Variants in PER3 observed in about 807,000 individuals in gnomAD.
The protein encoded by PER3 is period circadian regulator 3, also known as period circadian protein homolog 3.
PER3 carries 107 observed loss-of-function variants against 127.2 expected under a neutral mutation model. The observed-to-expected ratio is 0.84, with a 90% CI of 0.72 to 0.99. PER3 has a LOEUF of 0.99. PER3 is among the 50% of genes least tolerant of loss of function. The pLI is 0.00. For missense variants in PER3, 1,560 were observed against 1,525.8 expected (o/e 1.02, Z -0.37); for synonymous variants, 618 against 585.8 (o/e 1.05, Z -0.79).
intron 21 of PER3, among the ~76,000 whole-genome samples, chr1:7,839,587 T>C (rs1032005155): frequency 6.6e-6 from 1 of 152,342 alleles, no homozygotes; most frequent in East Asian, 1.9e-4. Context: ...GTAGGTCTAG[T>C]GGTATCAAAC....
intron 13 of PER3, among the ~76,000 whole-genome samples, chr1:7,818,577 G>A (rs1188861039): frequency 2.6e-5 from 4 of 152,052 alleles, no homozygotes; most frequent in Admixed American, 1.3e-4. Flanking sequence ...CTCCTTTATT[G>A]GCTCATTGTC....
chr1:7,806,807 A>AT (rs1470375888), intron 10 of PER3, among the ~76,000 whole-genome samples: 1,154 of 83,822 alleles, frequency 0.014, 10 homozygotes, highest in East Asian at 0.066. Flanking sequence ...AAAAAAAAAA[A>AT]AAAAAATATA....
At position 7,804,408 on chromosome 1, in the gene PER3, T is replaced by TG. The variant is rs1262477157; in HGVS notation, c.1136+560_1136+561insG. ...TCCACTTGTTTGTGTCTTTTTTTTT[T>TG]TTTTTCTTTGAGACAGGTTCTCCCT... On this transcript the variant is annotated intron_variant, in intron 10 of 21. Coordinates refer to ENST00000377532, the MANE Select transcript of PER3 (RefSeq NM_001377275.1). Among the ~76,000 whole-genome samples the TG allele has an allele frequency of 2.8e-3, 418 of 151,378 alleles. 1 individual carries two copies. The highest frequency in any genetic ancestry group is 4.6e-3 in the Non-Finnish European group (309 of 67,848).
chr1:7,806,812 A>AAAATATATATATAT (rs61141023), intron 10 of PER3, among the ~76,000 whole-genome samples: 41 of 60,624 alleles, frequency 6.8e-4, no homozygotes, highest in African/African-American at 2.4e-3. Context: ...AAAAAAAAAA[A>AAAATATATATATAT]ATATATATAT....
chr1:7,799,759 C>CT (rs1004238115), intron 7 of PER3, among the ~76,000 whole-genome samples: 1 of 151,654 alleles, frequency 6.6e-6, no homozygotes, highest in African/African-American at 2.4e-5. Flanking sequence ...TTTGTGTATT[C>CT]TTTTTTTGTT....
At chr1:7,789,570 G>A (rs563247175) in intron 5 of PER3, among the ~76,000 whole-genome samples, 12 of 152,230 alleles carry the variant, frequency 7.9e-5, no homozygotes, top group African/African-American at 2.9e-4. Context: ...GCCCAATCTT[G>A]GGTCTGTCTT....
chr1:7,799,449 CA>C (rs1218109659), intron 7 of PER3, among the ~76,000 whole-genome samples: 2 of 151,794 alleles, frequency 1.3e-5, no homozygotes, highest in Non-Finnish European at 2.9e-5. Flanking sequence ...CTAAAAATTA[CA>C]AAAATTAGCT....
chr1:7,792,613 C>A (rs145551435), intron 5 of PER3, among the ~76,000 whole-genome samples: 84 of 152,330 alleles, frequency 5.5e-4, no homozygotes, highest in African/African-American at 1.9e-3. Flanking sequence ...CCTTTATAGG[C>A]TATGCCTGCG....
At chr1:7,829,148 C>CAAACCCATGGTGGATGCCGG (rs1553321747) in intron 18 of PER3, among the ~76,000 whole-genome samples, 1 of 152,266 alleles carries the variant, frequency 6.6e-6, no homozygotes, top group South Asian at 2.1e-4. Flanking sequence ...GGATATGTTT[C>CAAACCCATGGTGGATGCCGG]AAACCCATGG....
At chr1:7,789,140 A>ATATATATATATAT (rs1553301246) in intron 5 of PER3, among the ~76,000 whole-genome samples, 13 of 133,232 alleles carry the variant, frequency 9.8e-5, no homozygotes, top group Non-Finnish European at 2.2e-4. Flanking sequence ...AGAGCTTTAA[A>ATATATATATATAT]ATATATATAT....
intron 5 of PER3, among the ~76,000 whole-genome samples, chr1:7,791,647 A>G (rs985962353): frequency 6.6e-6 from 1 of 152,128 alleles, no homozygotes; most frequent in Non-Finnish European, 1.5e-5. Context: ...TTTCTTTTCC[A>G]TTGCATCTTC....
chr1:7,839,669 C>CA (rs1243140518), intron 21 of PER3, among the ~76,000 whole-genome samples: 1 of 152,180 alleles, frequency 6.6e-6, no homozygotes, highest in Non-Finnish European at 1.5e-5. Context: ...TCTTAGTTGA[C>CA]AGTTTTTTTT....
intron 14 of PER3, 58 bp from the exon 15 acceptor site, chr1:7,820,057 G>C: frequency 6.4e-7 from 1 of 1,570,232 alleles, no homozygotes; most frequent in Non-Finnish European, 8.7e-7. Flanking sequence ...GCAAAGAGGT[G>C]GGAAATGGCA....
In PER3 at chr1:7,844,112, T is replaced by C; in HGVS notation, c.*1357T>C. 1 of 356,600 alleles carries C rather than the reference T, an allele frequency of 2.8e-6. No homozygotes were observed. Among genetic ancestry groups the C allele is most frequent in the Non-Finnish European group, 4.3e-6 (1 of 230,510 alleles). 22.1% of individuals were successfully genotyped at this position (356,600 alleles called of 1,614,324 possible). ...TTTTCTCCTTTGAAGTTTTACAGCT[T>C]TTTGTAAATGCGTCCTGATAATGAT... On this transcript the variant is annotated 3_prime_UTR_variant, in exon 22 of 22. Coordinates refer to ENST00000377532, the MANE Select transcript of PER3 (RefSeq NM_001377275.1).
chr1:7,820,387 A>G, intron 15 of PER3, 80 bp from the exon 16 acceptor site: 1 of 1,457,148 alleles, frequency 6.9e-7, no homozygotes, highest in Non-Finnish European at 9.3e-7. Flanking sequence ...TCAGTTACAA[A>G]CTTCTGTAAA....
At position 7,835,771 on chromosome 1, in the gene PER3, A is replaced by G. The variant is rs940616830; in HGVS notation, c.3224A>G (p.Asp1075Gly). ...RTGSAASGSS[D>G]SSIYLTSSVY... ...TGTTGATTTTTGACAGGAAGCAGCG[A>G]CAGCAGTATATACCTTACTAGTAGT... Residue 1075 changes from aspartate (D) to glycine (G), a missense_variant, in exon 20 of 22, where the codon GAC (aspartate) becomes GGC (glycine). Physicochemically the swap from Asp to Gly is moderately conservative, Grantham distance 94 (BLOSUM62 -1). Coordinates refer to ENST00000377532, the MANE Select transcript of PER3 (RefSeq NM_001377275.1). 1.9e-6 allele frequency: 3 copies of G among 1,603,242 alleles called. No individual in the cohort carries two copies. The African/African-American group carries it at 4.0e-5, about 22-fold the overall frequency.
Position 7,843,596 on chromosome 1 carries a change from CTG to C in PER3, c.*845_*846del, listed in dbSNP as rs1391802770. 6.6e-6 allele frequency: 1 copy of C among 152,654 alleles called. No individual in the cohort carries two copies. Among genetic ancestry groups the C allele is most frequent in the African/African-American group, 2.4e-5 (1 of 41,438 alleles). The allele number at this position is 152,654 out of a possible 1,614,324, so 9.5% of individuals were successfully genotyped here. ...AAGCTAGTATCATTCTTACATACTT[CTG>C]TGTTTAAATTTTCATTCTTACCAAA... On this transcript the variant is annotated 3_prime_UTR_variant, in exon 22 of 22. Transcript: ENST00000377532.
chr1:7,832,835 A>G (rs1320653762), intron 19 of PER3, among the ~76,000 whole-genome samples: 1 of 148,580 alleles, frequency 6.7e-6, no homozygotes, highest in Non-Finnish European at 1.5e-5. Flanking sequence ...TGCATCCCTC[A>G]AATTTTTTTT....
intron 10 of PER3, among the ~76,000 whole-genome samples, chr1:7,804,514 CTTCAGCCTCCCAA>C (rs1328252209): frequency 6.6e-6 from 1 of 151,630 alleles, no homozygotes; most frequent in Non-Finnish European, 1.5e-5. Context: ...GATCCTCCCA[CTTCAGCCTCCCAA>C]GTAGCTGGGC....
Sources: gnomAD v4.1 joint callset for allele counts (sites outside exome capture counted in the v4.1 genomes callset) on GRCh38, gnomAD v4.1.1 for gene constraint, MANE v1.5 for transcripts, NCBI Gene and HGNC (gene_info 2026-07-23, HGNC 2026-07-21) for gene names.